The following DIP2C variants were observed in gnomAD, a reference collection of about 807,000 sequenced individuals.
DIP2C encodes DIP2 acetate--CoA ligase C (putative), also known as disco-interacting protein 2 homolog C.
A neutral mutation model predicts 192.4 loss-of-function variants in DIP2C; 33 were observed. The ratio of observed to expected loss-of-function variants is 0.17; its 90% confidence interval spans 0.13 to 0.23. The LOEUF is 0.23. Ranked by LOEUF, DIP2C falls within the 10% of genes least tolerant of loss-of-function variation. The pLI, the probability that DIP2C is intolerant of heterozygous loss-of-function variation, is 1.00. For synonymous variants in DIP2C, 979 were observed against 864.1 expected, an observed-to-expected ratio of 1.13 and a Z score of -2.33; for missense variants, 1,537 against 2,110.1, an observed-to-expected ratio of 0.73 and a Z score of 5.32.
intron 1 of DIP2C, among the ~76,000 whole-genome samples, chr10:567,315 A>C (rs1849517665): frequency 1.3e-5 from 2 of 152,128 alleles, no homozygotes; most frequent in African/African-American, 4.8e-5. Context: ...CAGCCTCCTG[A>C]ATAGCTGGGA....
At chr10:675,891 A>G (rs549992398) in intron 1 of DIP2C, among the ~76,000 whole-genome samples, 1 of 152,340 alleles carries the variant, frequency 6.6e-6, no homozygotes, top group South Asian at 2.1e-4. Flanking sequence ...AAGAGGATGG[A>G]ATTCTGCCAA....
intron 29 of DIP2C, among the ~76,000 whole-genome samples, chr10:336,196 C>T (rs1957760790): frequency 1.3e-5 from 2 of 152,172 alleles, no homozygotes. Flanking sequence ...TGGCAAGACG[C>T]CATCTCTAAA....
chr10:361,195 T>C (rs1284942656), intron 22 of DIP2C, among the ~76,000 whole-genome samples: 1 of 152,228 alleles, frequency 6.6e-6, no homozygotes, highest in Non-Finnish European at 1.5e-5. Context: ...TCTTTCAAGT[T>C]ATCAATCACA....
At chr10:646,327 C>T (rs1480437178) in intron 1 of DIP2C, among the ~76,000 whole-genome samples, 1 of 152,156 alleles carries the variant, frequency 6.6e-6, no homozygotes, top group Non-Finnish European at 1.5e-5. Flanking sequence ...AGGCTCTCCA[C>T]ACCCACACTC....
At chr10:438,117 C>CA (rs1261463536) in intron 4 of DIP2C, among the ~76,000 whole-genome samples, 1 of 152,206 alleles carries the variant, frequency 6.6e-6, no homozygotes, top group Non-Finnish European at 1.5e-5. Flanking sequence ...AAATGCTAGT[C>CA]AAATCCAAAT....
intron 29 of DIP2C, 49 bp from the exon 30 acceptor site, chr10:329,650 GCTCAGCAA>G: frequency 2.6e-6 from 4 of 1,567,334 alleles, no homozygotes; most frequent in Non-Finnish European, 3.5e-6. Context: ...CAAGGCTGGA[GCTCAGCAA>G]GGCTGGAGGG....
At chr10:341,588 A>T (rs1290118840) in intron 28 of DIP2C, among the ~76,000 whole-genome samples, 10 of 152,324 alleles carry the variant, frequency 6.6e-5, no homozygotes. Flanking sequence ...ACACCCTCAG[A>T]CACCCGGGAC....
At chr10:494,370 CCAA>C (rs1432304280) in intron 1 of DIP2C, among the ~76,000 whole-genome samples, 2 of 151,760 alleles carry the variant, frequency 1.3e-5, no homozygotes, top group Non-Finnish European at 2.9e-5. Flanking sequence ...AGCACCGGGG[CCAA>C]CAGAGCCTCA....
chr10:653,279 T>A (rs1856065981), intron 1 of DIP2C, among the ~76,000 whole-genome samples: 1 of 151,902 alleles, frequency 6.6e-6, no homozygotes, highest in Admixed American at 6.6e-5. Context: ...TGAGACCCCG[T>A]CTCTACTAAA....
intron 1 of DIP2C, chr10:668,107 CAA>C (rs1857219447): frequency 6.6e-6 from 1 of 151,818 alleles, no homozygotes; most frequent in Admixed American, 6.6e-5. Context: ...ACGCACAACA[CAA>C]CATGCACAAC....
intron 32 of DIP2C, among the ~76,000 whole-genome samples, chr10:304,800 C>A (rs1280100028): frequency 1.3e-5 from 2 of 150,444 alleles, no homozygotes; most frequent in Non-Finnish European, 3.0e-5. Flanking sequence ...CTTGCACACA[C>A]ATGCACATGG....
intron 24 of DIP2C, among the ~76,000 whole-genome samples, chr10:353,046 C>T (rs1351998948): frequency 1.7e-4 from 26 of 152,178 alleles, no homozygotes; most frequent in Non-Finnish European, 3.4e-4. Flanking sequence ...CATCAACATT[C>T]ACTGGGGTTT....
intron 9 of DIP2C, among the ~76,000 whole-genome samples, chr10:404,607 C>G (rs1964674969): frequency 6.6e-6 from 1 of 152,184 alleles, no homozygotes. Flanking sequence ...ATCTGTGTAT[C>G]TAAGTAAGCA....
At chr10:596,173 AAGT>A (rs1476676359) in intron 1 of DIP2C, among the ~76,000 whole-genome samples, 2 of 152,116 alleles carry the variant, frequency 1.3e-5, no homozygotes, top group Non-Finnish European at 2.9e-5. Flanking sequence ...TAAAAAATAA[AAGT>A]AACCTAAGTA....
intron 1 of DIP2C, among the ~76,000 whole-genome samples, chr10:502,489 G>A (rs1845304091): frequency 6.6e-6 from 1 of 152,120 alleles, no homozygotes; most frequent in Non-Finnish European, 1.5e-5. Flanking sequence ...AAGCTTCTAT[G>A]TTAAACTCAA....
At chr10:315,941 G>A (rs1190914337) in intron 31 of DIP2C, among the ~76,000 whole-genome samples, 2 of 152,082 alleles carry the variant, frequency 1.3e-5, no homozygotes, top group African/African-American at 2.4e-5. Flanking sequence ...GCTGTATCTA[G>A]TCTCCTATTA....
chr10:351,830 C>G (rs888001379), intron 24 of DIP2C, among the ~76,000 whole-genome samples: 1 of 152,170 alleles, frequency 6.6e-6, no homozygotes, highest in African/African-American at 2.4e-5. Flanking sequence ...TTGCCGCCAA[C>G]GTCCTCTGAG....
chr10:550,702 G>T (rs1415939367), intron 1 of DIP2C, among the ~76,000 whole-genome samples: 1 of 152,096 alleles, frequency 6.6e-6, no homozygotes, highest in Admixed American at 6.5e-5. Context: ...AAAAAAAAAT[G>T]AATCCCTAGC....
intron 1 of DIP2C, among the ~76,000 whole-genome samples, chr10:521,632 T>C (rs1242090652): frequency 6.6e-6 from 1 of 152,218 alleles, no homozygotes; most frequent in Non-Finnish European, 1.5e-5. Flanking sequence ...ATTAACTTTG[T>C]AGTGAGTTAC....
Sources: gnomAD v4.1 joint callset for allele counts (sites outside exome capture counted in the v4.1 genomes callset) on GRCh38, gnomAD v4.1.1 for gene constraint, MANE v1.5 for transcripts, NCBI Gene and HGNC (gene_info 2026-07-23, HGNC 2026-07-21) for gene names.